Variants in TCEA1 observed in about 807,000 individuals in gnomAD.
The protein encoded by TCEA1 is transcription elongation factor A protein 1.
In TCEA1, 21 loss-of-function variants were observed where a neutral mutation model predicts 43.8. The observed-to-expected ratio is 0.48, with a 90% CI of 0.34 to 0.69. The LOEUF is 0.69. Ranked by LOEUF, TCEA1 falls within the 30% of genes least tolerant of loss-of-function variation. The probability of loss-of-function intolerance (pLI) is 0.01; values close to 1 mark genes in which losing one functional copy is unlikely to be tolerated. For synonymous variants in TCEA1, 104 were observed against 117.5 expected (o/e 0.88, Z 0.75); for missense variants, 250 against 365.1 (o/e 0.68, Z 2.57).
chr8:54,008,851 TTA>T (rs1278799801), intron 2 of TCEA1, among the ~76,000 whole-genome samples: 3 of 149,806 alleles, frequency 2.0e-5, no homozygotes, highest in Non-Finnish European at 4.4e-5. Flanking sequence ...ATTTATTTAT[TTA>T]TTTTTTTTTT....
At position 54,022,385 on chromosome 8, in the gene TCEA1, G is replaced by A. The variant is rs1251826465; in HGVS notation, c.-260C>T. The A allele has an allele frequency of 3.8e-6, 2 of 526,164 alleles. No individual in the cohort carries two copies. Among genetic ancestry groups the A allele is most frequent in the Non-Finnish European group, 6.7e-6 (2 of 300,048 alleles). 32.6% of individuals were successfully genotyped at this position (526,164 alleles called of 1,614,324 possible). A position where few individuals can be genotyped will look rare whatever the true frequency, so the allele number is the denominator to read the frequency against. On this transcript the variant is annotated 5_prime_UTR_variant, in exon 1 of 10. Coordinates refer to ENST00000521604, the MANE Select transcript of TCEA1 (RefSeq NM_006756.4). ...TACCAACTGACTGCAGATCGCTGGTGAGGGGCGAGCCCATGTTCCCGCCAG... is the reference window on the plus strand; with the variant it reads ...TACCAACTGACTGCAGATCGCTGGTAAGGGGCGAGCCCATGTTCCCGCCAG...
At chr8:53,983,663 C>T (rs894135331) in intron 7 of TCEA1, among the ~76,000 whole-genome samples, 23 of 123,806 alleles carry the variant, frequency 1.9e-4, no homozygotes, top group African/African-American at 9.5e-4. Flanking sequence ...GGCAAAATTT[C>T]GTATCAAAAA....
intron 2 of TCEA1, chr8:54,002,828 T>C (rs1365053068): frequency 2.2e-6 from 1 of 450,878 alleles, no homozygotes; most frequent in Non-Finnish European, 4.4e-6. Context: ...CTCTAGCAGA[T>C]AAAATATGTG....
chr8:53,995,948 C>G (rs774520115), intron 3 of TCEA1, among the ~76,000 whole-genome samples: 6 of 152,134 alleles, frequency 3.9e-5, no homozygotes, highest in Non-Finnish European at 7.3e-5. Context: ...TTGTTATTCT[C>G]AATAATTTCC....
At chr8:53,973,616 C>A in intron 8 of TCEA1, 1 of 565,440 alleles carries the variant, frequency 1.8e-6, no homozygotes, top group East Asian at 4.5e-5. Flanking sequence ...AGAAACACTT[C>A]AATTACAACA....
At chr8:53,972,987 C>G in intron 8 of TCEA1, 1 of 666,894 alleles carries the variant, frequency 1.5e-6, no homozygotes, top group Non-Finnish European at 2.8e-6. Flanking sequence ...TGGTGGAAAT[C>G]ACTTGGGATG....
intron 6 of TCEA1, among the ~76,000 whole-genome samples, chr8:53,984,739 C>G (rs2129302544): frequency 6.6e-6 from 1 of 152,016 alleles, no homozygotes; most frequent in African/African-American, 2.4e-5. Context: ...AAAAATTAAC[C>G]AGGCATGGTG....
chr8:53,998,640 T>C (rs1804143916), intron 3 of TCEA1, among the ~76,000 whole-genome samples: 1 of 152,168 alleles, frequency 6.6e-6, no homozygotes. Context: ...TCAGGAAATA[T>C]ATCAACAAAA....
chr8:53,983,961 G>A (rs909300696), intron 7 of TCEA1, among the ~76,000 whole-genome samples: 1 of 152,060 alleles, frequency 6.6e-6, no homozygotes, highest in Non-Finnish European at 1.5e-5. Flanking sequence ...TTAGCTGGGT[G>A]TGGTGGTGCA....
chr8:53,979,046 C>T lies in TCEA1; in HGVS notation c.804G>A (p.Lys268=), dbSNP rs1803426780. Residue 268 remains lysine (K), a synonymous_variant, in exon 8 of 10, where the codon AAG becomes AAA. Coordinates refer to ENST00000521604, the MANE Select transcript of TCEA1 (RefSeq NM_006756.4). ...TDLFTCGKCK[K]KNCTYTQVQT... is the part of the protein sequence containing the mutation. ...AAACCTGTGTGTAAGTGCAATTCTTCTTTTTACATTTGCCACATGTGAACA... is the reference window on the plus strand; with the variant it reads ...AAACCTGTGTGTAAGTGCAATTCTTTTTTTTACATTTGCCACATGTGAACA... The T allele has an allele frequency of 1.2e-6, 2 of 1,611,012 alleles. No individual in the cohort carries two copies. The highest frequency in any genetic ancestry group is 2.7e-5 in the African/African-American group (2 of 74,868).
chr8:54,002,806 T>C lies in TCEA1; in HGVS notation c.127-2756A>G, dbSNP rs966232181. 1.1e-5 allele frequency: 5 copies of C among 438,926 alleles called. 1 individual carries two copies. Among genetic ancestry groups the C allele is most frequent in the South Asian group, 3.3e-5 (2 of 60,966 alleles). The allele number at this position is 438,926 out of a possible 1,614,324, so 27.2% of individuals were successfully genotyped here. A position where few individuals can be genotyped will look rare whatever the true frequency, so the allele number is the denominator to read the frequency against. The stretch of plus-strand genomic sequence containing the variant: ...TAATGAAAGCTTTCAGGACAAACTA[T>C]ACATCGTGAAACTCTAGCAGATAAA... On this transcript the variant is annotated intron_variant, in intron 2 of 9. Transcript: ENST00000521604.
At chr8:54,005,870 A>G (rs916014227) in intron 2 of TCEA1, among the ~76,000 whole-genome samples, 2 of 152,158 alleles carry the variant, frequency 1.3e-5, no homozygotes, top group African/African-American at 4.8e-5. Context: ...ATCACATATG[A>G]AGCCCTGCGT....
chr8:53,973,398 ACT>A, intron 8 of TCEA1: 1 of 503,146 alleles, frequency 2.0e-6, no homozygotes, highest in Non-Finnish European at 3.7e-6. Flanking sequence ...GAAAAAGAAG[ACT>A]CTTGCTAAAG....
intron 4 of TCEA1, among the ~76,000 whole-genome samples, chr8:53,990,613 T>C (rs1803846829): frequency 6.6e-6 from 1 of 152,172 alleles, no homozygotes; most frequent in Admixed American, 6.5e-5. Context: ...TCCCCCTACC[T>C]TGACCTCCCA....
intron 1 of TCEA1, among the ~76,000 whole-genome samples, chr8:54,015,298 C>T (rs1159683769): frequency 6.6e-6 from 1 of 151,638 alleles, no homozygotes; most frequent in Non-Finnish European, 1.5e-5. Context: ...GCCTCCCAAG[C>T]AGCTGGGACT....
At chr8:53,980,831 T>C (rs1471024087) in intron 7 of TCEA1, among the ~76,000 whole-genome samples, 1 of 152,198 alleles carries the variant, frequency 6.6e-6, no homozygotes, top group Non-Finnish European at 1.5e-5. Flanking sequence ...GAGGAAGGCA[T>C]ATGGAAAGCT....
intron 9 of TCEA1, among the ~76,000 whole-genome samples, chr8:53,969,919 A>G (rs1002014696): frequency 6.6e-6 from 1 of 152,232 alleles, no homozygotes; most frequent in Non-Finnish European, 1.5e-5. Context: ...CACACAGGCA[A>G]TATGAAGGCT....
At chr8:54,010,668 T>A (rs1328114716) in intron 1 of TCEA1, among the ~76,000 whole-genome samples, 176 bp from the exon 2 acceptor site, 2 of 152,174 alleles carry the variant, frequency 1.3e-5, no homozygotes, top group Admixed American at 1.3e-4. Flanking sequence ...TTAATTTAAT[T>A]TAATCATTTC....
rs1266747061 is a variant in TCEA1, at chr8:53,966,775, A to G, written c.*1329T>C. The G allele has an allele frequency of 9.9e-6, 2 of 202,334 alleles. No homozygotes were observed. Among genetic ancestry groups the G allele is most frequent in the African/African-American group, 4.6e-5 (2 of 43,618 alleles). The allele number at this position is 202,334 out of a possible 1,614,324, so 12.5% of individuals were successfully genotyped here. A position where few individuals can be genotyped will look rare whatever the true frequency, so the allele number is the denominator to read the frequency against. The stretch of plus-strand genomic sequence containing the variant: ...AAAATGCTGCTTTCTGTATTACAAC[A>G]AAATGATATGCAATAAGAAATTGGA... On this transcript the variant is annotated 3_prime_UTR_variant, in exon 10 of 10. Coordinates refer to ENST00000521604, the MANE Select transcript of TCEA1 (RefSeq NM_006756.4).
Sources: allele counts gnomAD v4.1 joint callset (sites outside exome capture counted in the v4.1 genomes callset), GRCh38; gene constraint gnomAD v4.1.1; transcripts MANE v1.5; gene names NCBI Gene and HGNC (gene_info 2026-07-23, HGNC 2026-07-21).